SLC68A1: variants seen among roughly 807,000 people sequenced by gnomAD.
SLC68A1 encodes solute carrier family 68 member 1.
At chr10:102,470,027 C>G in the SLC68A1 span, 2 of 1,614,084 alleles carry the variant, frequency 1.2e-6, no homozygotes, top group South Asian at 1.1e-5. Flanking sequence ...CTCAATGACC[C>G]CCTCTTCGGT....
At chr10:102,475,643 T>A in the SLC68A1 span, 1 of 1,488,148 alleles carries the variant, frequency 6.7e-7, no homozygotes, top group African/African-American at 1.4e-5. Flanking sequence ...GTCTGAGATG[T>A]CACACCATAG....
chr10:102,474,083 C>G, the SLC68A1 span: 1 of 1,452,356 alleles, frequency 6.9e-7, no homozygotes, highest in African/African-American at 1.4e-5. Flanking sequence ...CAGTGGCTGG[C>G]AAGCCTGGGC....
chr10:102,472,901 G>A, the SLC68A1 span: 1 of 1,614,170 alleles, frequency 6.2e-7, no homozygotes, highest in Non-Finnish European at 8.5e-7. Context: ...TCTTCCTGGA[G>A]CATCTGTTGT....
At chr10:102,475,131 C>A in the SLC68A1 span, among the ~76,000 whole-genome samples, 1 of 151,912 alleles carries the variant, frequency 6.6e-6, no homozygotes, top group African/African-American at 2.4e-5. Context: ...CCCGCCTCTA[C>A]TAAAAAATAC....
At chr10:102,471,205 C>A in the SLC68A1 span, 1 of 1,601,466 alleles carries the variant, frequency 6.2e-7, no homozygotes, top group Non-Finnish European at 8.5e-7. Flanking sequence ...ATGGGGGCTG[C>A]CCTGGGATGT....
chr10:102,465,312 C>G, the SLC68A1 span, among the ~76,000 whole-genome samples: 4 of 151,898 alleles, frequency 2.6e-5, no homozygotes, highest in African/African-American at 2.4e-5. Flanking sequence ...GTAATCCCAG[C>G]TACTGAGGAG....
chr10:102,470,167 G>A, the SLC68A1 span: 3 of 1,198,706 alleles, frequency 2.5e-6, no homozygotes, highest in Non-Finnish European at 3.6e-6. Context: ...GGGTGGGGAA[G>A]GAAGGGGAGA....
the SLC68A1 span, chr10:102,468,805 G>A: frequency 1.9e-6 from 1 of 518,466 alleles, no homozygotes; most frequent in Non-Finnish European, 3.5e-6. Flanking sequence ...GCTCAGCACT[G>A]TTTCTGTTAT....
chr10:102,470,572 G>C, the SLC68A1 span: 1 of 1,534,008 alleles, frequency 6.5e-7, no homozygotes, highest in Non-Finnish European at 8.8e-7. Context: ...CCACACCCTG[G>C]GCCTCCATCC....
chr10:102,462,438 T>C, the SLC68A1 span, among the ~76,000 whole-genome samples: 1 of 152,232 alleles, frequency 6.6e-6, no homozygotes. Context: ...TCTTAGCTTT[T>C]ACCTCTGCAC....
chr10:102,475,438 T>G, the SLC68A1 span, among the ~76,000 whole-genome samples: 1 of 152,006 alleles, frequency 6.6e-6, no homozygotes, highest in African/African-American at 2.4e-5. Context: ...GGGATACGTT[T>G]TGGAGTTGGG....
At chr10:102,474,030 G>GGCA in the SLC68A1 span, 36 of 1,577,288 alleles carry the variant, frequency 2.3e-5, 2 homozygotes, top group South Asian at 4.0e-4. Flanking sequence ...CCTGGTAGCA[G>GGCA]GCAAGGGCTC....
the SLC68A1 span, chr10:102,470,146 G>C: frequency 2.8e-6 from 4 of 1,413,968 alleles, no homozygotes; most frequent in Non-Finnish European, 4.0e-6. Context: ...GAGGACCCCT[G>C]CCTGTGTTTG....
chr10:102,471,007 A>G, the SLC68A1 span: 3 of 1,613,362 alleles, frequency 1.9e-6, no homozygotes, highest in African/African-American at 2.7e-5. Flanking sequence ...TCTGCGTGAC[A>G]CTGGCTGTCA....
the SLC68A1 span, among the ~76,000 whole-genome samples, chr10:102,475,490 C>T: frequency 6.6e-6 from 1 of 152,030 alleles, no homozygotes; most frequent in Non-Finnish European, 1.5e-5. Flanking sequence ...TGGCGTGAAA[C>T]CAACCAGGGA....
At chr10:102,472,155 T>C in the SLC68A1 span, 1 of 375,998 alleles carries the variant, frequency 2.7e-6, no homozygotes, top group Non-Finnish European at 5.3e-6. Flanking sequence ...AGAGAAAGGC[T>C]CCATCTCTAA....
chr10:102,468,366 C>G, the SLC68A1 span: 23 of 152,298 alleles, frequency 1.5e-4, no homozygotes, highest in African/African-American at 5.3e-4. Context: ...TCAGGGTTGT[C>G]CCGTCTAGAC....
the SLC68A1 span, chr10:102,475,624 C>G: frequency 1.4e-6 from 2 of 1,399,244 alleles, no homozygotes; most frequent in Non-Finnish European, 1.9e-6. Flanking sequence ...CTGGACACGT[C>G]CATGTGGTGT....
chr10:102,470,924 G>T, the SLC68A1 span: 5 of 1,613,324 alleles, frequency 3.1e-6, no homozygotes, highest in Admixed American at 6.7e-5. Flanking sequence ...CCTCTTCAGC[G>T]CGGCCGGCTC....
Sources: allele counts gnomAD v4.1 joint callset (sites outside exome capture counted in the v4.1 genomes callset), GRCh38; gene constraint gnomAD v4.1.1; transcripts MANE v1.5; gene names NCBI Gene and HGNC (gene_info 2026-07-23, HGNC 2026-07-21).